Variants in MGAM observed in about 807,000 individuals in gnomAD.
The protein encoded by MGAM is maltase-glucoamylase.
In MGAM, 253 loss-of-function variants were observed where a neutral mutation model predicts 358.8. The ratio of observed to expected loss-of-function variants is 0.71; its 90% confidence interval spans 0.64 to 0.78. The LOEUF is 0.78. Ranked by LOEUF, MGAM falls within the 30% of genes least tolerant of loss-of-function variation. MGAM has a pLI of 0.00. For synonymous variants in MGAM, 1,105 were observed against 1,227.1 expected, an observed-to-expected ratio of 0.90 and a Z score of 2.08; for missense variants, 3,080 against 3,432.6, an observed-to-expected ratio of 0.90 and a Z score of 2.57.
chr7:142,071,723 A>G (rs1813366031), intron 44 of MGAM, among the ~76,000 whole-genome samples: 1 of 145,520 alleles, frequency 6.9e-6, no homozygotes, highest in Admixed American at 6.9e-5. Flanking sequence ...CCCTCCTAGA[A>G]TCTCAACTTC....
chr7:142,023,889 C>T (rs1362831747), intron 7 of MGAM, among the ~76,000 whole-genome samples: 1 of 152,158 alleles, frequency 6.6e-6, no homozygotes, highest in Admixed American at 6.5e-5. Context: ...AGGGGAACCA[C>T]CCTCTGAGAG....
chr7:142,002,567 C>T (rs1015982554), intron 1 of MGAM, among the ~76,000 whole-genome samples: 2 of 151,890 alleles, frequency 1.3e-5, no homozygotes, highest in East Asian at 1.9e-4. Flanking sequence ...GTAGGGAGAC[C>T]ATACCTCAAA....
chr7:142,071,229 A>C (rs2129047861), intron 44 of MGAM, 111 bp downstream of exon 44: 1 of 1,243,782 alleles, frequency 8.0e-7, no homozygotes, highest in Non-Finnish European at 1.1e-6. Context: ...ATTCTACTCA[A>C]CACTTGTTTT....
chr7:142,041,246 C>G (rs1376129312), intron 21 of MGAM, among the ~76,000 whole-genome samples: 1 of 152,022 alleles, frequency 6.6e-6, no homozygotes, highest in Non-Finnish European at 1.5e-5. Context: ...GTAATTGATT[C>G]CAAAAAAATA....
At chr7:142,097,747 C>T in intron 66 of MGAM, 98 bp downstream of exon 66, 1 of 1,317,894 alleles carries the variant, frequency 7.6e-7, no homozygotes, top group Admixed American at 1.9e-5. Flanking sequence ...GCTCTGTAAC[C>T]CACCTGCTGT....
At chr7:142,037,109 C>G in intron 18 of MGAM, 132 bp downstream of exon 18, 1 of 913,686 alleles carries the variant, frequency 1.1e-6, no homozygotes, top group Non-Finnish European at 1.7e-6. Context: ...TATCTGTAAT[C>G]TAGCTATCTA....
intron 1 of MGAM, among the ~76,000 whole-genome samples, chr7:142,002,030 G>A (rs1448635994): frequency 5.9e-5 from 9 of 152,128 alleles, no homozygotes; most frequent in Admixed American, 4.6e-4. Context: ...GCAAAAAATG[G>A]TATGGTTGGG....
chr7:142,041,743 C>T (rs1808584151), intron 21 of MGAM, among the ~76,000 whole-genome samples: 1 of 149,004 alleles, frequency 6.7e-6, no homozygotes, highest in East Asian at 2.0e-4. Context: ...TCCTTTCCAA[C>T]ATTCTTTGCC....
At chr7:142,105,278 G>A (rs1194480270) in intron 70 of MGAM, among the ~76,000 whole-genome samples, 2 of 147,468 alleles carry the variant, frequency 1.4e-5, no homozygotes, top group Admixed American at 7.1e-5. Context: ...TCTCTTCAGC[G>A]GTTGCATATT....
Position 142,038,542 on chromosome 7 carries a change from A to G in MGAM, c.2243A>G (p.Asp748Gly), listed in dbSNP as rs1342021155. The change falls in exon 19 of 71, where the codon GAC becomes GGC. Residue 748 changes from aspartate to glycine, a missense_variant. This residue lies in a region of MGAM where 1,816 missense variants were observed against 1,840.5 expected (regional missense o/e 0.99). Transcript: ENST00000475668. ...ARPLLHEFYE[D>G]NSTWDVHQQF... ...TCTCTGGTTTTCAGGTTCTACGAGG[A>G]CAACAGCACTTGGGATGTGCACCAA... 1.2e-6 allele frequency: 2 copies of G among 1,609,770 alleles called. No homozygotes were observed. Among genetic ancestry groups the G allele is most frequent in the Non-Finnish European group, 8.5e-7 (1 of 1,178,058 alleles).
Position 142,105,932 on chromosome 7 carries a change from A to C in MGAM, c.*41A>C. 2 of 1,433,636 alleles carry C rather than the reference A, an allele frequency of 1.4e-6. No individual in the cohort carries two copies. The highest frequency in any genetic ancestry group is 2.0e-6 in the Non-Finnish European group (2 of 1,016,642). 88.8% of individuals were successfully genotyped at this position (1,433,636 alleles called of 1,614,324 possible). A position where few individuals can be genotyped will look rare whatever the true frequency, so the allele number is the denominator to read the frequency against. ...TTCTAACTAACTATGAATGACTTTG[A>C]AACTACTTATACTTCATACTCATAA... is the stretch of plus-strand genomic sequence containing the variant. On this transcript the variant is annotated 3_prime_UTR_variant, in exon 71 of 71. Coordinates refer to ENST00000475668, the MANE Select transcript of MGAM (RefSeq NM_001365693.1).
In MGAM at chr7:142,084,611, G is replaced by A. The variant is rs1814600417; in HGVS notation, c.6474G>A (p.Leu2158=). Residue 2158 remains leucine, a synonymous_variant, in exon 54 of 71, where the codon TTG becomes TTA. Coordinates refer to ENST00000475668, the MANE Select transcript of MGAM (RefSeq NM_001365693.1). The part of the protein sequence containing the change: ...GYQNDSEISS[L]YDEMVAAQIP... ...AGAACGACTCTGAGATCTCCAGCTT[G>A]TATGATGAGATGGTGGCTGCCCAGA... The A allele has an allele frequency of 6.4e-7, 1 of 1,556,334 alleles. No homozygotes were observed. The highest frequency in any genetic ancestry group is 1.3e-5 in the African/African-American group (1 of 74,506).
chr7:142,090,708 A>G (rs1445640728), intron 57 of MGAM, among the ~76,000 whole-genome samples: 1 of 146,060 alleles, frequency 6.8e-6, no homozygotes, highest in African/African-American at 2.4e-5. Context: ...AGCATTCTTT[A>G]GCTCTTTAAC....
At chr7:142,042,951 A>T (rs1360181774) in intron 21 of MGAM, among the ~76,000 whole-genome samples, 1 of 64,106 alleles carries the variant, frequency 1.6e-5, no homozygotes, top group Non-Finnish European at 2.7e-5. Flanking sequence ...TATATATTAT[A>T]TATACATATA....
In MGAM at chr7:142,071,096, C is replaced by G; in HGVS notation, c.5164C>G (p.Pro1722Ala). The change falls in exon 44 of 71, where the codon CCT (proline) becomes GCT (alanine). Residue 1722 changes from proline to alanine, a missense_variant. Physicochemically the swap from Pro to Ala is conservative, Grantham distance 27. Coordinates refer to ENST00000475668, the MANE Select transcript of MGAM (RefSeq NM_001365693.1). Reference sequence around the variant, plus strand: ...GGGCTACATCCTGCCCTGGCAAGAGCCTGCACTGAACACCCACTTAAGGTG... The same window carrying G: ...GGGCTACATCCTGCCCTGGCAAGAGGCTGCACTGAACACCCACTTAAGGTG... ...RGGYILPWQE[P>A]ALNTHLSRKN... The G allele has an allele frequency of 6.4e-7, 1 of 1,555,822 alleles. No homozygotes were observed. Among genetic ancestry groups the G allele is most frequent in the Non-Finnish European group, 8.8e-7 (1 of 1,132,246 alleles).
At chr7:142,011,081 C>T (rs1479723348) in intron 3 of MGAM, among the ~76,000 whole-genome samples, 2 of 152,062 alleles carry the variant, frequency 1.3e-5, no homozygotes, top group African/African-American at 4.8e-5. Flanking sequence ...AAAGATAAAC[C>T]CGCATGCCCT....
chr7:142,019,409 T>A (rs1806240773), intron 4 of MGAM, 90 bp downstream of exon 4: 1 of 1,381,902 alleles, frequency 7.2e-7, no homozygotes, highest in African/African-American at 1.4e-5. Context: ...AGTTCTGCTC[T>A]GTGGGGCCAT....
At chr7:142,041,915 AC>A (rs1808664526) in intron 21 of MGAM, among the ~76,000 whole-genome samples, 1 of 23,574 alleles carries the variant, frequency 4.2e-5, no homozygotes, top group Non-Finnish European at 7.3e-5. Flanking sequence ...TTATATATAT[AC>A]GTATAATATA....
In MGAM at chr7:142,021,701, G is replaced by A; in HGVS notation, c.674G>A (p.Ser225Asn). 1.9e-6 allele frequency: 3 copies of A among 1,613,932 alleles called. No homozygotes were observed. The highest frequency in any genetic ancestry group is 2.2e-5 in the South Asian group (2 of 91,074). ...GTTGAAATCTCCAGACAGCCATTTAGCATCAAAGTGACCAGAAGAAGCAAC... is the reference window on the plus strand; with the variant it reads ...GTTGAAATCTCCAGACAGCCATTTAACATCAAAGTGACCAGAAGAAGCAAC... ...YQVEISRQPF[S>N]IKVTRRSNNR... The change falls in exon 6 of 71, where the codon AGC (serine) becomes AAC (asparagine). Residue 225 changes from serine to asparagine, a missense_variant. By Grantham distance (46) the Ser-to-Asn change is conservative. Coordinates refer to ENST00000475668, the MANE Select transcript of MGAM (RefSeq NM_001365693.1).
Sources: allele counts gnomAD v4.1 joint callset (sites outside exome capture counted in the v4.1 genomes callset), GRCh38; gene constraint gnomAD v4.1.1; regional missense constraint gnomAD v4.1.1; transcripts MANE v1.5; gene names NCBI Gene and HGNC (gene_info 2026-07-23, HGNC 2026-07-21).